UTP20: variants seen among roughly 807,000 people sequenced by gnomAD.
The protein encoded by UTP20 is small subunit processome component 20 homolog.
Under a neutral mutation model 329.5 loss-of-function variants are expected in UTP20, and 164 were observed. The ratio of observed to expected loss-of-function variants is 0.50; its 90% confidence interval spans 0.44 to 0.57. The LOEUF is 0.57. Ranked by LOEUF, UTP20 falls within the 20% of genes least tolerant of loss-of-function variation. UTP20 has a pLI of 0.00. For synonymous variants in UTP20, 1,151 were observed against 1,159.3 expected (o/e 0.99, Z 0.14); for missense variants, 3,055 against 3,284.2 (o/e 0.93, Z 1.71).
rs1257034254 is a variant in UTP20 at position 101,304,638 on chromosome 12, C to T, written c.1782-1277C>T. ...CCTGGAGACTTTCCAGCTGTCACAG[C>T]ATGGGGAAAGAGCACTGTTACTGGC... On this transcript the variant is annotated intron_variant, in intron 15 of 61. Coordinates refer to ENST00000261637, the MANE Select transcript of UTP20 (RefSeq NM_014503.3). Among the ~76,000 whole-genome samples the T allele has an allele frequency of 6.6e-5, 10 of 152,266 alleles. 1 individual carries two copies. The Middle Eastern group carries it at 0.014, about 207-fold the overall frequency.
At chr12:101,312,384 T>C in intron 21 of UTP20, 108 bp downstream of exon 21, 11 of 1,440,548 alleles carry the variant, frequency 7.6e-6, no homozygotes, top group Admixed American at 2.3e-5. Flanking sequence ...GCCTTCTTTC[T>C]TTCTGCTTCC....
intron 58 of UTP20, among the ~76,000 whole-genome samples, chr12:101,382,458 G>A (rs1280298107): frequency 2.0e-5 from 3 of 152,060 alleles, no homozygotes; most frequent in Non-Finnish European, 4.4e-5. Context: ...GGCCTAGAAG[G>A]AAATTGTTTC....
intron 25 of UTP20, among the ~76,000 whole-genome samples, chr12:101,322,962 C>T (rs777120970): frequency 2.3e-4 from 35 of 151,972 alleles, no homozygotes; most frequent in Non-Finnish European, 1.9e-4. Flanking sequence ...AGGAAACATC[C>T]GCAATACTTG....
At position 101,333,416 on chromosome 12, in the gene UTP20, C is replaced by T; in HGVS notation, c.3533C>T (p.Ala1178Val). 2 of 1,613,924 alleles carry T rather than the reference C, an allele frequency of 1.2e-6. No individual in the cohort carries two copies. Among genetic ancestry groups the T allele is most frequent in the Non-Finnish European group, 1.7e-6 (2 of 1,179,974 alleles). Residue 1178 changes from alanine (A) to valine (V), a missense_variant, in exon 28 of 62, where the codon GCT (alanine) becomes GTT (valine). This residue lies in a region of UTP20 where 2,445 missense variants were observed against 2,575.5 expected (regional missense o/e 0.95). Coordinates refer to ENST00000261637, the MANE Select transcript of UTP20 (RefSeq NM_014503.3). The part of the protein sequence containing the change: ...SYQFRTEEID[A>V]VFHGAVWPQI... The stretch of plus-strand genomic sequence containing the variant: ...CAGTTTAGAACAGAAGAAATTGATG[C>T]TGTGTTTCATGGTGCAGTTTGGCCC...
Position 101,306,004 on chromosome 12 carries a change from A to T in UTP20, c.1871A>T (p.Gln624Leu). Residue 624 changes from glutamine to leucine, a missense_variant, in exon 16 of 62, where the codon CAG becomes CTG. Physicochemically the swap from Gln to Leu is moderately radical, Grantham distance 113 (BLOSUM62 -2). Around this residue, in one of 3 missense-constraint regions of UTP20, gnomAD observed 2,445 missense variants for 2,575.5 expected, o/e 0.95. Coordinates refer to ENST00000261637, the MANE Select transcript of UTP20 (RefSeq NM_014503.3). ...TGTGGCTGCAAAGGGCCACTTTCCC[A>T]GGAGGCTTTAATGGAATTATTTCCC... ...ALCGCKGPLSQEALMELFPKL... is the reference protein window; with the variant it reads ...ALCGCKGPLSLEALMELFPKL... The T allele has an allele frequency of 1.2e-6, 2 of 1,613,964 alleles. No individual in the cohort carries two copies. The highest frequency in any genetic ancestry group is 2.2e-5 in the South Asian group (2 of 91,046).
chr12:101,356,071 T>C (rs1869710737), intron 41 of UTP20, among the ~76,000 whole-genome samples: 1 of 152,218 alleles, frequency 6.6e-6, no homozygotes, highest in Non-Finnish European at 1.5e-5. Context: ...ATTTGGTTTG[T>C]TTTTAAATAA....
intron 51 of UTP20, among the ~76,000 whole-genome samples, 200 bp downstream of exon 51, chr12:101,371,368 A>G (rs778958474): frequency 1.3e-5 from 2 of 152,050 alleles, no homozygotes; most frequent in Non-Finnish European, 2.9e-5. Context: ...TGAAGGAAGA[A>G]AAAGGCTTAG....
At chr12:101,350,083 A>G (rs1869466471) in intron 38 of UTP20, among the ~76,000 whole-genome samples, 1 of 152,094 alleles carries the variant, frequency 6.6e-6, no homozygotes, top group Non-Finnish European at 1.5e-5. Context: ...TAACATGCTC[A>G]TATTTTTCTC....
intron 44 of UTP20, among the ~76,000 whole-genome samples, chr12:101,362,273 G>A (rs1027539050): frequency 2.0e-5 from 3 of 152,164 alleles, no homozygotes; most frequent in East Asian, 1.9e-4. Flanking sequence ...TGATCTTTCC[G>A]GAAAGTAAGT....
intron 38 of UTP20, among the ~76,000 whole-genome samples, chr12:101,348,739 G>GTTTTTT (rs35417344): frequency 4.1e-5 from 4 of 97,316 alleles, no homozygotes; most frequent in South Asian, 3.6e-4. Context: ...GTTTTTGGTG[G>GTTTTTT]TTTTTTTTTT....
At chr12:101,343,738 C>A (rs1426839438) in intron 35 of UTP20, among the ~76,000 whole-genome samples, 2 of 152,196 alleles carry the variant, frequency 1.3e-5, no homozygotes, top group Non-Finnish European at 2.9e-5. Flanking sequence ...TCTCGAACTT[C>A]TGACCTCAGG....
In UTP20 at chr12:101,372,903, T is replaced by C; in HGVS notation, c.6818T>C (p.Leu2273Pro). The change falls in exon 52 of 62, where the codon CTT (leucine) becomes CCT (proline). Residue 2273 changes from leucine to proline, a missense_variant. Leu to Pro is a moderately conservative substitution (Grantham distance 98, BLOSUM62 -3). Coordinates refer to ENST00000261637, the MANE Select transcript of UTP20 (RefSeq NM_014503.3). ...QCRQVFLKYI[L>P]DYPLGDKLRP... ...TCCTAGGTTTTTCTGAAATATATTCTTGACTATCCCCTGGGTGACAAATTG... is the reference window on the plus strand; with the variant it reads ...TCCTAGGTTTTTCTGAAATATATTCCTGACTATCCCCTGGGTGACAAATTG... 1 of 1,614,128 alleles carries C rather than the reference T, an allele frequency of 6.2e-7. No homozygotes were observed. Among genetic ancestry groups the C allele is most frequent in the Non-Finnish European group, 8.5e-7 (1 of 1,179,928 alleles).
At chr12:101,359,578 T>C (rs778909344) in intron 43 of UTP20, among the ~76,000 whole-genome samples, 12 of 151,938 alleles carry the variant, frequency 7.9e-5, no homozygotes, top group Middle Eastern at 3.2e-3. Context: ...GCAGCTTCAC[T>C]GACTCTTCCC....
intron 14 of UTP20, among the ~76,000 whole-genome samples, chr12:101,300,479 A>C (rs116387175): frequency 6.6e-6 from 1 of 152,090 alleles, no homozygotes; most frequent in African/African-American, 2.4e-5. Flanking sequence ...TTTCCTCTGC[A>C]TGGAGACCCT....
At chr12:101,374,153 T>G (rs1263161645) in intron 54 of UTP20, among the ~76,000 whole-genome samples, 1 of 149,416 alleles carries the variant, frequency 6.7e-6, no homozygotes, top group Non-Finnish European at 1.5e-5. Context: ...GAGAATGGCG[T>G]GAACCCGGGA....
Position 101,346,461 on chromosome 12 carries a change from G to GA in UTP20, c.4758dup (p.Ala1587SerfsTer21). ...TTATCTTACCCATAGATCCACAGAA[G>GA]AGCAAGAGCCTTGAAGAAACTTGCA... is the stretch of plus-strand genomic sequence containing the variant. On this transcript the variant is annotated frameshift_variant, in exon 38 of 62. Transcript: ENST00000261637. LOFTEE classifies it high-confidence loss of function. 1 of 1,601,470 alleles carries GA rather than the reference G, an allele frequency of 6.2e-7. No individual in the cohort carries two copies. The highest frequency in any genetic ancestry group is 8.5e-7 in the Non-Finnish European group (1 of 1,175,972).
In UTP20 at chr12:101,374,912, G is replaced by A. The variant is rs1870423702; in HGVS notation, c.7236G>A (p.Lys2412=). Residue 2412 remains lysine, a synonymous_variant, in exon 55 of 62, where the codon AAG becomes AAA. Transcript: ENST00000261637. ...GAACTGTCCTTCCTGTGATTGAAAA[G>A]GAAATTGATCCTGAAAACTTTAAAG... ...RLGTVLPVIE[K]EIDPENFKDI... 6.2e-7 allele frequency: 1 copy of A among 1,612,020 alleles called. No individual in the cohort carries two copies. The highest frequency in any genetic ancestry group is 1.3e-5 in the African/African-American group (1 of 75,008).
chr12:101,353,845 C>T (rs562968291), intron 40 of UTP20, among the ~76,000 whole-genome samples: 1 of 152,280 alleles, frequency 6.6e-6, no homozygotes, highest in East Asian at 1.9e-4. Flanking sequence ...AAGGTATCTT[C>T]GTATTTATAA....
intron 56 of UTP20, among the ~76,000 whole-genome samples, chr12:101,378,170 T>A (rs1390153478): frequency 1.3e-5 from 2 of 152,242 alleles, no homozygotes; most frequent in Non-Finnish European, 2.9e-5. Flanking sequence ...GCTCTGCCTG[T>A]TATAGCTTAG....
Sources: allele counts gnomAD v4.1 joint callset (sites outside exome capture counted in the v4.1 genomes callset), GRCh38; gene constraint gnomAD v4.1.1; regional missense constraint gnomAD v4.1.1; transcripts MANE v1.5; gene names NCBI Gene and HGNC (gene_info 2026-07-23, HGNC 2026-07-21).